GGACT: variants seen among roughly 807,000 people sequenced by gnomAD.
GGACT encodes gamma-glutamylaminecyclotransferase.
For missense variants in GGACT, 241 were observed against 233.2 expected, an observed-to-expected ratio of 1.03 and a Z score of -0.22; for synonymous variants, 118 against 115.3, an observed-to-expected ratio of 1.02 and a Z score of -0.15.
Position 100,534,715 on chromosome 13 carries a change from C to A in GGACT, c.-10-2114G>T, listed in dbSNP as rs2088466305. 6.6e-6 allele frequency among the ~76,000 whole-genome samples: 1 copy of A among 152,192 alleles called. No individual in the cohort carries two copies. The highest frequency in any genetic ancestry group is 6.5e-5 in the Admixed American group (1 of 15,294). ...CCCCCAGCGAGACCCATCAGCACTTCCCCTGCCACGTCTCCCAACCTGCTC... is the reference window on the plus strand; with the variant it reads ...CCCCCAGCGAGACCCATCAGCACTTACCCTGCCACGTCTCCCAACCTGCTC... On this transcript the variant is annotated intron_variant, in intron 2 of 2. Transcript: ENST00000683975. The surrounding 1 kb of genome is among the most constrained non-coding windows in gnomAD (Gnocchi z 4.9).
In GGACT at chr13:100,544,023, C is replaced by T. The variant is rs553332098; in HGVS notation, c.-10-11422G>A. On this transcript the variant is annotated intron_variant, in intron 2 of 2. Transcript: ENST00000683975. ...TGACCACCAGCAGCCCCACACTGTGCCAGCCCTGAGCAAACGCAGCCATTC... is the reference window on the plus strand; with the variant it reads ...TGACCACCAGCAGCCCCACACTGTGTCAGCCCTGAGCAAACGCAGCCATTC... 5.3e-5 allele frequency among the ~76,000 whole-genome samples: 8 copies of T among 152,290 alleles called. No homozygotes were observed. In the South Asian group the frequency reaches 1.7e-3, roughly 32 times the overall value.
At chr13:100,550,132 C>T (rs759447428) in intron 2 of GGACT, among the ~76,000 whole-genome samples, 1 of 152,156 alleles carries the variant, frequency 6.6e-6, no homozygotes, top group Non-Finnish European at 1.5e-5. Flanking sequence ...CCATCTGCCA[C>T]ATTCCTGTGA....
At chr13:100,554,652 T>A (rs531681373) in intron 2 of GGACT, among the ~76,000 whole-genome samples, 15 of 152,294 alleles carry the variant, frequency 9.8e-5, no homozygotes, top group African/African-American at 3.6e-4. Flanking sequence ...GAGACGCATA[T>A]GGAAGTATCT....
At position 100,532,547 on chromosome 13, in the gene GGACT, G is replaced by A. The variant is rs1304333738; in HGVS notation, c.45C>T (p.Pro15=). 4 of 1,547,350 alleles carry A rather than the reference G, an allele frequency of 2.6e-6. No individual in the cohort carries two copies. The highest frequency in any genetic ancestry group is 1.4e-5 in the African/African-American group (1 of 72,944). The part of the protein sequence containing the change: ...FVYGTLKRGQ[P]NHRVLRDGAH... Reference sequence around the variant, plus strand: ...CGCCGTCCCGCAGGACCCTGTGGTTGGGCTGACCCCGCTTCAGGGTGCCGT... The same window carrying A: ...CGCCGTCCCGCAGGACCCTGTGGTTAGGCTGACCCCGCTTCAGGGTGCCGT... The change falls in exon 3 of 3, where the codon CCC becomes CCT. Residue 15 remains proline (P), a synonymous_variant. Coordinates refer to ENST00000683975, the MANE Select transcript of GGACT (RefSeq NM_001195087.2).
At chr13:100,568,652 A>G (rs1019546705) in intron 2 of GGACT, among the ~76,000 whole-genome samples, 2 of 152,184 alleles carry the variant, frequency 1.3e-5, no homozygotes, top group African/African-American at 4.8e-5. Context: ...CTCCCAAATC[A>G]TATGTCTTCA....
Position 100,586,220 on chromosome 13 carries a change from G to T in GGACT, c.-183-2223C>A, listed in dbSNP as rs565682214. On this transcript the variant is annotated intron_variant, in intron 1 of 2. Transcript: ENST00000683975. ...GAAACATACTGAACAATTTAGGGGT[G>T]AAGTGTTATGTTGTCTGGAATAAAC... Among the ~76,000 whole-genome samples the T allele has an allele frequency of 8.5e-5, 13 of 152,198 alleles. No individual in the cohort carries two copies. The South Asian group carries it at 2.7e-3, about 32-fold the overall frequency.
chr13:100,533,857 C>G (rs2088453478), intron 2 of GGACT: 1 of 152,306 alleles, frequency 6.6e-6, no homozygotes. Flanking sequence ...GGGGGCCGCT[C>G]TCCCCGGCCC....
intron 2 of GGACT, chr13:100,539,474 T>C (rs1207609464): frequency 6.2e-6 from 1 of 161,036 alleles, no homozygotes; most frequent in Non-Finnish European, 1.3e-5. Context: ...GTGTGTTTTT[T>C]CCTTCATTCT....
rs1299137920 is a variant in GGACT, at chr13:100,532,422, G to GCTGCA, written c.169_170insTGCAG (p.Pro57LeufsTer16). 3.2e-6 allele frequency: 5 copies of GCTGCA among 1,549,922 alleles called. No individual in the cohort carries two copies. The Admixed American group carries it at 5.9e-5, about 18-fold the overall frequency. On this transcript the variant is annotated frameshift_variant, in exon 3 of 3. Coordinates refer to ENST00000683975, the MANE Select transcript of GGACT (RefSeq NM_001195087.2). LOFTEE classifies it low-confidence loss of function (END_TRUNC). ...GCCCTCCACGAGGCGCCCCGAGCCGGGCAGGTGCAGCAGCCACGGGATGTT... is the reference window on the plus strand; with the variant it reads ...GCCCTCCACGAGGCGCCCCGAGCCGGCTGCAGCAGGTGCAGCAGCCACGGGATGTT...
At chr13:100,566,639 G>C (rs1874894795) in intron 2 of GGACT, among the ~76,000 whole-genome samples, 1 of 9,232 alleles carries the variant, frequency 1.1e-4, no homozygotes, top group Non-Finnish European at 1.1e-3. Context: ...CCTGGTAACT[G>C]GGTGGGTAGG....
intron 2 of GGACT, among the ~76,000 whole-genome samples, 199 bp downstream of exon 2, chr13:100,583,626 G>T (rs977411879): frequency 1.3e-5 from 2 of 152,010 alleles, no homozygotes; most frequent in African/African-American, 4.8e-5. Flanking sequence ...AATCTCCTGG[G>T]ATCAAACAAT....
At chr13:100,587,787 G>A (rs915714438) in intron 1 of GGACT, among the ~76,000 whole-genome samples, 1 of 152,200 alleles carries the variant, frequency 6.6e-6, no homozygotes, top group Non-Finnish European at 1.5e-5. Flanking sequence ...CAACATTTTG[G>A]GAGGCCAAGG....
intron 2 of GGACT, among the ~76,000 whole-genome samples, chr13:100,579,574 C>G (rs1190772698): frequency 6.6e-6 from 1 of 152,168 alleles, no homozygotes; most frequent in African/African-American, 2.4e-5. Flanking sequence ...GACCCTCATT[C>G]CAGAGGGTCC....
chr13:100,582,737 TTA>T (rs1240540729), intron 2 of GGACT, among the ~76,000 whole-genome samples: 1 of 152,202 alleles, frequency 6.6e-6, no homozygotes, highest in Admixed American at 6.5e-5. Context: ...ACAGCTGTTA[TTA>T]TACACATATT....
chr13:100,557,958 C>T (rs746949524), intron 2 of GGACT, among the ~76,000 whole-genome samples: 97 of 152,034 alleles, frequency 6.4e-4, no homozygotes, highest in Non-Finnish European at 9.6e-4. Context: ...CCGAGGCGGG[C>T]GGATCACCTG....
At chr13:100,584,956 G>A (rs1875523499) in intron 1 of GGACT, among the ~76,000 whole-genome samples, 1 of 152,092 alleles carries the variant, frequency 6.6e-6, no homozygotes, top group African/African-American at 2.4e-5. Flanking sequence ...CTTTGATGAG[G>A]GTTTCCAAGT....
chr13:100,573,112 G>A (rs1566538308), intron 2 of GGACT, among the ~76,000 whole-genome samples: 1 of 152,188 alleles, frequency 6.6e-6, no homozygotes, highest in Non-Finnish European at 1.5e-5. Context: ...CACAAGAAGA[G>A]TGGGAGAGAA....
intron 2 of GGACT, among the ~76,000 whole-genome samples, chr13:100,570,896 T>C (rs1476970049): frequency 3.3e-5 from 5 of 152,182 alleles, no homozygotes; most frequent in Admixed American, 2.6e-4. Flanking sequence ...GATGTATCGC[T>C]ACTTATTTGC....
At position 100,532,167 on chromosome 13, in the gene GGACT, G is replaced by A. The variant is rs61747479; in HGVS notation, c.425C>T (p.Pro142Leu). 2.3e-3 allele frequency: 3,397 copies of A among 1,459,902 alleles called. 70 individuals carry two copies. In the African/African-American group the frequency reaches 0.04, roughly 17 times the overall value. The allele number at this position is 1,459,902 out of a possible 1,614,324, so 90.4% of individuals were successfully genotyped here. A position where few individuals can be genotyped will look rare whatever the true frequency, so the allele number is the denominator to read the frequency against. Residue 142 changes from proline to leucine, a missense_variant, in exon 3 of 3, where the codon CCG becomes CTG. Pro to Leu is a moderately conservative substitution (Grantham distance 98). Coordinates refer to ENST00000683975, the MANE Select transcript of GGACT (RefSeq NM_001195087.2). ...CCGGGGGTTGTAGCGCAGCCCGTGCGGCCCCTCGGAGTCGTAGCTGTCATG... is the reference window on the plus strand; with the variant it reads ...CCGGGGGTTGTAGCGCAGCCCGTGCAGCCCCTCGGAGTCGTAGCTGTCATG... The part of the protein sequence containing the change: ...PHHDSYDSEG[P>L]HGLRYNPREN...
Sources: allele counts gnomAD v4.1 joint callset (sites outside exome capture counted in the v4.1 genomes callset), GRCh38; gene constraint gnomAD v4.1.1; non-coding constraint Gnocchi (gnomAD v3.1); transcripts MANE v1.5; gene names NCBI Gene and HGNC (gene_info 2026-07-23, HGNC 2026-07-21).